PGAP1: variants seen among roughly 807,000 people sequenced by gnomAD.
PGAP1 encodes the protein GPI inositol-deacylase.
PGAP1 carries 76 observed loss-of-function variants against 127.0 expected under a neutral mutation model. The ratio of observed to expected loss-of-function variants is 0.60; its 90% CI spans 0.50 to 0.72. The LOEUF (loss-of-function observed/expected upper bound fraction) is 0.72, where lower values mean the gene tolerates loss of function less well. PGAP1 is among the 30% of genes least tolerant of loss of function. The pLI, the probability that PGAP1 is intolerant of heterozygous loss-of-function variation, is 0.00. For synonymous variants in PGAP1, 362 were observed against 366.5 expected (o/e 0.99, Z 0.14); for missense variants, 982 against 1,071.3 (o/e 0.92, Z 1.16).
intron 10 of PGAP1, among the ~76,000 whole-genome samples, chr2:196,887,717 A>G (rs1701964370): frequency 6.6e-6 from 1 of 152,236 alleles, no homozygotes; most frequent in Non-Finnish European, 1.5e-5. Context: ...CAGCTTACAT[A>G]AAATGTTAAG....
chr2:196,885,353 A>G, intron 12 of PGAP1, 71 bp downstream of exon 12: 1 of 975,202 alleles, frequency 1.0e-6, no homozygotes, highest in African/African-American at 1.6e-5. Context: ...ATGAAAGAGA[A>G]TATTTTAAAA....
chr2:196,881,379 C>T lies in PGAP1; in HGVS notation c.1273-1226G>A, dbSNP rs368262202. The stretch of plus-strand genomic sequence containing the variant: ...AATGCTTTATATTCCTTTGGGTATA[C>T]ACCCAGTAATGGGATTACTAGGTCA... On this transcript the variant is annotated intron_variant, in intron 12 of 26. Coordinates refer to ENST00000354764, the MANE Select transcript of PGAP1 (RefSeq NM_024989.4). Among the ~76,000 whole-genome samples the T allele has an allele frequency of 7.2e-5, 11 of 152,272 alleles. No homozygotes were observed. In the East Asian group the frequency reaches 1.2e-3, roughly 16 times the overall value.
Position 196,840,927 on chromosome 2 carries a change from G to A in PGAP1, c.*307C>T, listed in dbSNP as rs1700393655. 4.6e-6 allele frequency: 1 copy of A among 219,502 alleles called. No homozygotes were observed. The highest frequency in any genetic ancestry group is 8.9e-6 in the Non-Finnish European group (1 of 112,894). The allele number at this position is 219,502 out of a possible 1,614,324, so 13.6% of individuals were successfully genotyped here. A position where few individuals can be genotyped will look rare whatever the true frequency, so the allele number is the denominator to read the frequency against. The stretch of plus-strand genomic sequence containing the variant: ...TGCATCTACTAAATCTCTCATATCA[G>A]ACTTCTCGTACAGTTGATAAAACAG... On this transcript the variant is annotated 3_prime_UTR_variant, in exon 27 of 27. Coordinates refer to ENST00000354764, the MANE Select transcript of PGAP1 (RefSeq NM_024989.4).
chr2:196,889,895 T>C (rs1201197883), intron 10 of PGAP1, among the ~76,000 whole-genome samples: 1 of 149,636 alleles, frequency 6.7e-6, no homozygotes, highest in East Asian at 2.0e-4. Context: ...ATCCTGAAAG[T>C]AAGAAATGTA....
At chr2:196,891,000 A>T in intron 9 of PGAP1, 89 bp from the exon 10 acceptor site, 1 of 658,020 alleles carries the variant, frequency 1.5e-6, no homozygotes, top group East Asian at 2.6e-5. Flanking sequence ...ATGAGTAATT[A>T]TTCTAATTCT....
rs138962884 is a variant in PGAP1 at position 196,913,543 on chromosome 2, G to A, written c.478-490C>T. On this transcript the variant is annotated intron_variant, in intron 3 of 26. Coordinates refer to ENST00000354764, the MANE Select transcript of PGAP1 (RefSeq NM_024989.4). ...CTATTGTGCATTTTGGTTTAAAAACGAAGCAGCATTCCAAACATTTATTCA... is the reference window on the plus strand; with the variant it reads ...CTATTGTGCATTTTGGTTTAAAAACAAAGCAGCATTCCAAACATTTATTCA... Among the ~76,000 whole-genome samples the A allele has an allele frequency of 1.1e-3, 174 of 152,254 alleles. No homozygotes were observed. In the East Asian group the frequency reaches 0.019, roughly 17 times the overall value.
intron 7 of PGAP1, among the ~76,000 whole-genome samples, chr2:196,894,116 A>G (rs1026578274): frequency 1.3e-4 from 20 of 152,218 alleles, no homozygotes; most frequent in African/African-American, 3.9e-4. Flanking sequence ...AGAGCAAATA[A>G]CTGATTCCTT....
At chr2:196,923,211 T>C (rs76773017) in intron 1 of PGAP1, among the ~76,000 whole-genome samples, 2,732 of 152,280 alleles carry the variant, frequency 0.018, 43 homozygotes, top group Non-Finnish European at 0.024. Flanking sequence ...GATTATTTTT[T>C]AGTTTTAACA....
intron 24 of PGAP1, 58 bp downstream of exon 24, chr2:196,844,466 A>T: frequency 8.0e-7 from 1 of 1,252,834 alleles, no homozygotes; most frequent in East Asian, 2.4e-5. Flanking sequence ...AAAAACTCTT[A>T]TATTTCCCCA....
At chr2:196,889,065 CAT>C (rs1299002989) in intron 10 of PGAP1, among the ~76,000 whole-genome samples, 15 of 152,196 alleles carry the variant, frequency 9.9e-5, no homozygotes, top group African/African-American at 2.6e-4. Flanking sequence ...TTAAAATTCA[CAT>C]GAGTTTATGT....
At chr2:196,904,601 A>T (rs1171546074) in intron 4 of PGAP1, among the ~76,000 whole-genome samples, 5 of 151,974 alleles carry the variant, frequency 3.3e-5, no homozygotes, top group Non-Finnish European at 5.9e-5. Context: ...GGTGGCATGC[A>T]CCTGTAGTCC....
chr2:196,901,364 T>G (rs1702482352), intron 5 of PGAP1, among the ~76,000 whole-genome samples: 1 of 152,202 alleles, frequency 6.6e-6, no homozygotes, highest in African/African-American at 2.4e-5. Context: ...TGGCAAGCAT[T>G]CAGTAAATAA....
intron 1 of PGAP1, chr2:196,922,036 A>G (rs1703212943): frequency 1.5e-6 from 1 of 671,494 alleles, no homozygotes; most frequent in Non-Finnish European, 2.0e-6. Context: ...GGACTCCAAT[A>G]TAAATTTTTT....
At chr2:196,922,617 A>C (rs1023984826) in intron 1 of PGAP1, 5 of 497,976 alleles carry the variant, frequency 1.0e-5, no homozygotes, top group Admixed American at 7.7e-5. Flanking sequence ...CACACACACA[A>C]CAAAGCTTAA....
chr2:196,838,176 C>T lies in PGAP1; in HGVS notation c.*3058G>A, dbSNP rs1700288391. On this transcript the variant is annotated 3_prime_UTR_variant, in exon 27 of 27. Coordinates refer to ENST00000354764, the MANE Select transcript of PGAP1 (RefSeq NM_024989.4). ...TTCCTCTGTACAGACTATATTTGAT[C>T]TGGTTATCAACAATAGGGTCTAGGA... 2 of 152,170 alleles carry T rather than the reference C, an allele frequency of 1.3e-5. No homozygotes were observed. Among genetic ancestry groups the T allele is most frequent in the Non-Finnish European group, 2.9e-5 (2 of 68,020 alleles). The allele number at this position is 152,170 out of a possible 1,614,324, so 9.4% of individuals were successfully genotyped here.
chr2:196,849,339 C>T (rs1053245455), intron 20 of PGAP1, among the ~76,000 whole-genome samples: 1 of 150,592 alleles, frequency 6.6e-6, no homozygotes, highest in East Asian at 1.9e-4. Context: ...TCTTGGCTCA[C>T]GGCAACCTCT....
rs571997204 is a variant in PGAP1 at position 196,853,626 on chromosome 2, C to T, written c.1862-5589G>A. On this transcript the variant is annotated intron_variant, in intron 20 of 26. Transcript: ENST00000354764. Reference sequence around the variant, plus strand: ...TGCAGTCACACTGCAACAGACTTTTCTTTATCTTTTGGTAATAAAAAACCT... The same window carrying T: ...TGCAGTCACACTGCAACAGACTTTTTTTTATCTTTTGGTAATAAAAAACCT... 2.0e-5 allele frequency among the ~76,000 whole-genome samples: 3 copies of T among 152,218 alleles called. No homozygotes were observed. The East Asian group carries it at 5.8e-4, about 29-fold the overall frequency.
At chr2:196,863,597 T>TA (rs1201704971) in intron 20 of PGAP1, among the ~76,000 whole-genome samples, 7 of 152,028 alleles carry the variant, frequency 4.6e-5, no homozygotes, top group African/African-American at 1.7e-4. Context: ...GAAGAAAGAA[T>TA]GGTTAATGGG....
In PGAP1 at chr2:196,912,947, T is replaced by C. The variant is rs1234996104; in HGVS notation, c.584A>G (p.Asn195Ser). Residue 195 changes from asparagine (N) to serine (S), a missense_variant, in exon 4 of 27, where the codon AAT becomes AGT. By Grantham distance (46) the Asn-to-Ser change is conservative. Transcript: ENST00000354764. ...TLKNFKHDLINLLITQATPHV... is the reference protein window; with the variant it reads ...TLKNFKHDLISLLITQATPHV... ...AGGTGTGGCTTGTGTAATAAGAAGA[T>C]TTATCAGATCATGCTTAAAATTTTT... The C allele has an allele frequency of 1.2e-6, 2 of 1,613,900 alleles. No homozygotes were observed. The highest frequency in any genetic ancestry group is 1.7e-5 in the Admixed American group (1 of 59,954).
Sources: gnomAD v4.1 joint callset for allele counts (sites outside exome capture counted in the v4.1 genomes callset) on GRCh38, gnomAD v4.1.1 for gene constraint, MANE v1.5 for transcripts, NCBI Gene and HGNC (gene_info 2026-07-23, HGNC 2026-07-21) for gene names.